The following USP49 variants were observed in gnomAD, a reference collection of about 807,000 sequenced individuals.
The protein encoded by USP49 is ubiquitin specific peptidase 49.
Under a neutral mutation model 58.6 loss-of-function variants are expected in USP49, and 24 were observed. That is an observed-to-expected ratio of 0.41 (90% CI 0.30 to 0.58). The LOEUF (loss-of-function observed/expected upper bound fraction) is 0.58, where lower values mean the gene tolerates loss of function less well. Among genes scored for constraint, USP49 ranks in the 20% least tolerant of loss-of-function variants. USP49 has a pLI of 0.30. For missense variants in USP49, 703 were observed against 866.1 expected (o/e 0.81, Z 2.36); for synonymous variants, 408 against 365.1 (o/e 1.12, Z -1.34).
At chr6:41,876,129 T>C (rs758267241) in intron 2 of USP49, among the ~76,000 whole-genome samples, 2 of 152,148 alleles carry the variant, frequency 1.3e-5, no homozygotes, top group Non-Finnish European at 2.9e-5. Context: ...GCAAAACATA[T>C]TGTTATGTCA....
In USP49 at chr6:41,793,868, T is replaced by C. The variant is rs1772841894; in HGVS notation, c.*2665A>G. 6.6e-6 allele frequency: 1 copy of C among 152,206 alleles called. No individual in the cohort carries two copies. The highest frequency in any genetic ancestry group is 1.5e-5 in the Non-Finnish European group (1 of 68,042). The allele number at this position is 152,206 out of a possible 1,614,324, so 9.4% of individuals were successfully genotyped here. ...CTACAAAGGGTTCCTGGAATGAGAC[T>C]CTTAACTACTTGCCCTGGGAGAGAA... On this transcript the variant is annotated 3_prime_UTR_variant, in exon 8 of 8. Coordinates refer to ENST00000682992, the MANE Select transcript of USP49 (RefSeq NM_001286554.2).
intron 2 of USP49, among the ~76,000 whole-genome samples, chr6:41,886,198 G>GCAATTTAT (rs1774708112): frequency 6.6e-6 from 1 of 152,136 alleles, no homozygotes; most frequent in African/African-American, 2.4e-5. Context: ...TGATATAGGT[G>GCAATTTAT]GTTGTATTAG....
chr6:41,834,003 A>C (rs544984528), intron 3 of USP49, among the ~76,000 whole-genome samples: 1 of 152,356 alleles, frequency 6.6e-6, no homozygotes, highest in Admixed American at 6.5e-5. Flanking sequence ...TAAAACTTTA[A>C]ACAAAGCTTT....
In USP49 at chr6:41,806,564, G is replaced by A. The variant is rs145023848; in HGVS notation, c.420C>T (p.Leu140=). The A allele has an allele frequency of 1.6e-5, 26 of 1,603,156 alleles. No individual in the cohort carries two copies. The African/African-American group carries it at 2.5e-4, about 16-fold the overall frequency. The change falls in exon 4 of 8, where the codon CTC becomes CTT. Residue 140 remains leucine, a synonymous_variant. Transcript: ENST00000682992. This position sits in a 1 kb window ranked among gnomAD's most constrained non-coding sequence, Gnocchi z 5.9. ...GCTGACGCCGGTACCACAGAGCCGT[G>A]AGCATCTGCGGCTGTCCCTGAGGAG... ...QRAPQGQPQM[L]TALWYRRQRL...
At chr6:41,818,319 T>C (rs1274256422) in intron 3 of USP49, among the ~76,000 whole-genome samples, 1 of 152,186 alleles carries the variant, frequency 6.6e-6, no homozygotes, top group Admixed American at 6.5e-5. Flanking sequence ...TCAAGGATTC[T>C]GAATACACTG....
chr6:41,847,762 A>G (rs1773948677), intron 3 of USP49, among the ~76,000 whole-genome samples: 1 of 152,160 alleles, frequency 6.6e-6, no homozygotes, highest in Non-Finnish European at 1.5e-5. Context: ...AGATTGGCAA[A>G]GAGCACATAA....
At chr6:41,865,138 G>A (rs1281889603) in intron 3 of USP49, among the ~76,000 whole-genome samples, 1 of 151,948 alleles carries the variant, frequency 6.6e-6, no homozygotes, top group African/African-American at 2.4e-5. Context: ...TTTGTCTCCT[G>A]GGTTCAGGCA....
In USP49 at chr6:41,883,855, T is replaced by C. The variant is rs141241540; in HGVS notation, c.-103+7939A>G. ...TCAAACATGTCCACTCCTGGGTCTG[T>C]GTCCCTGAGAATTCTCAAACATGTC... On this transcript the variant is annotated intron_variant, in intron 2 of 7. Coordinates refer to ENST00000682992, the MANE Select transcript of USP49 (RefSeq NM_001286554.2). Among the ~76,000 whole-genome samples the C allele has an allele frequency of 7.9e-3, 1,199 of 152,074 alleles. 10 individuals carry two copies. Among genetic ancestry groups the C allele is most frequent in the African/African-American group, 0.026 (1,070 of 41,466 alleles).
intron 3 of USP49, among the ~76,000 whole-genome samples, chr6:41,858,026 G>A (rs1774160264): frequency 6.6e-6 from 1 of 151,744 alleles, no homozygotes; most frequent in Non-Finnish European, 1.5e-5. Context: ...TGCAAATGGG[G>A]TGTGTGTGTG....
chr6:41,840,682 T>C (rs796994097), intron 3 of USP49, among the ~76,000 whole-genome samples: 2 of 152,346 alleles, frequency 1.3e-5, no homozygotes, highest in African/African-American at 2.4e-5. Context: ...TTGCTATTTT[T>C]GTTCTTTTCA....
intron 2 of USP49, among the ~76,000 whole-genome samples, chr6:41,883,910 G>A (rs1406632897): frequency 3.9e-5 from 6 of 152,114 alleles, no homozygotes; most frequent in Admixed American, 2.6e-4. Flanking sequence ...ACTGTTACTG[G>A]TATCATTGTT....
intron 3 of USP49, among the ~76,000 whole-genome samples, chr6:41,813,781 A>G (rs1473814169): frequency 6.6e-6 from 1 of 152,218 alleles, no homozygotes; most frequent in African/African-American, 2.4e-5. Flanking sequence ...AACATGTATG[A>G]TCATGAAATG....
chr6:41,828,702 A>G (rs919566825), intron 3 of USP49, among the ~76,000 whole-genome samples: 9 of 152,206 alleles, frequency 5.9e-5, no homozygotes, highest in Non-Finnish European at 1.3e-4. Context: ...TTTGTCATAC[A>G]TAAGATTTAC....
intron 2 of USP49, among the ~76,000 whole-genome samples, chr6:41,884,268 C>G (rs1045367856): frequency 2.0e-5 from 3 of 152,090 alleles, no homozygotes; most frequent in Non-Finnish European, 4.4e-5. Flanking sequence ...CGTGATCTGC[C>G]CACCTTGGCC....
At chr6:41,814,369 T>C (rs71558769) in intron 3 of USP49, among the ~76,000 whole-genome samples, 28,830 of 152,188 alleles carry the variant, frequency 0.19, 3,340 homozygotes, top group East Asian at 0.29. Flanking sequence ...AATGAAAAGA[T>C]AATTAAATCT....
At chr6:41,845,533 G>T (rs1389202826) in intron 3 of USP49, among the ~76,000 whole-genome samples, 1 of 151,180 alleles carries the variant, frequency 6.6e-6, no homozygotes, top group East Asian at 2.0e-4. Flanking sequence ...AAAAAAAAAG[G>T]TAAATAAGCT....
intron 7 of USP49, among the ~76,000 whole-genome samples, chr6:41,797,263 T>A (rs1409077735): frequency 2.0e-5 from 3 of 152,202 alleles, no homozygotes; most frequent in Non-Finnish European, 4.4e-5. Flanking sequence ...CCCAGCCGAC[T>A]GACTGCAATT....
At chr6:41,841,233 C>T (rs1467892888) in intron 3 of USP49, among the ~76,000 whole-genome samples, 1 of 152,062 alleles carries the variant, frequency 6.6e-6, no homozygotes, top group African/African-American at 2.4e-5. Flanking sequence ...TACTTCCCTT[C>T]TGCTTATCCA....
intron 7 of USP49, among the ~76,000 whole-genome samples, chr6:41,797,196 G>A (rs939713729): frequency 1.5e-4 from 23 of 152,016 alleles, no homozygotes; most frequent in African/African-American, 4.8e-4. Flanking sequence ...TCCTGACCTC[G>A]TGATCCGCCC....
Sources: gnomAD v4.1 joint callset for allele counts (sites outside exome capture counted in the v4.1 genomes callset) on GRCh38, gnomAD v4.1.1 for gene constraint, Gnocchi (gnomAD v3.1) non-coding constraint, MANE v1.5 for transcripts, NCBI Gene and HGNC (gene_info 2026-07-23, HGNC 2026-07-21) for gene names.